The following CAMK1D variants were observed in gnomAD, a reference collection of about 807,000 sequenced individuals.
CAMK1D encodes calcium/calmodulin dependent protein kinase ID.
In CAMK1D, 9 loss-of-function variants were observed where a neutral mutation model predicts 47.7. The ratio of observed to expected loss-of-function variants is 0.19; its 90% CI spans 0.11 to 0.33. The LOEUF (loss-of-function observed/expected upper bound fraction) is 0.33. CAMK1D is among the 10% of genes least tolerant of loss of function. The pLI is 1.00. For synonymous variants in CAMK1D, 184 were observed against 184.9 expected (o/e 0.99, Z 0.04); for missense variants, 291 against 488.7 (o/e 0.60, Z 3.81).
chr10:12,371,577 A>G (rs1838007970), intron 1 of CAMK1D, among the ~76,000 whole-genome samples: 1 of 149,694 alleles, frequency 6.7e-6, no homozygotes, highest in Non-Finnish European at 1.5e-5. Context: ...CTGTCCCGAA[A>G]AAAAAAAAAA....
chr10:12,503,518 G>A (rs752106627), intron 1 of CAMK1D, among the ~76,000 whole-genome samples: 10 of 152,168 alleles, frequency 6.6e-5, no homozygotes, highest in Non-Finnish European at 1.3e-4. Context: ...CTGTGAGAGA[G>A]AAGGGAGTGG....
At chr10:12,592,831 C>G (rs1838037642) in intron 2 of CAMK1D, among the ~76,000 whole-genome samples, 1 of 152,170 alleles carries the variant, frequency 6.6e-6, no homozygotes, top group South Asian at 2.1e-4. Context: ...TCATGTTTGC[C>G]TTAGTCCTTA....
chr10:12,747,135 G>C (rs1456540510), intron 3 of CAMK1D, among the ~76,000 whole-genome samples: 1 of 152,100 alleles, frequency 6.6e-6, no homozygotes, highest in Non-Finnish European at 1.5e-5. Context: ...GGGTTCAAGC[G>C]ATTCTCCTGC....
In CAMK1D at chr10:12,363,739, G is replaced by A. The variant is rs560190217; in HGVS notation, c.92+13829G>A. ...GCTGGAGTGCAGTGGCACGATCTCC[G>A]CTCACTGCAGCCTCCACCTCCCAGG... On this transcript the variant is annotated intron_variant, in intron 1 of 10. Coordinates refer to ENST00000619168, the MANE Select transcript of CAMK1D (RefSeq NM_153498.4). Among the ~76,000 whole-genome samples the A allele has an allele frequency of 4.9e-4, 69 of 139,968 alleles. 1 individual carries two copies. The highest frequency in any genetic ancestry group is 7.7e-4 in the Non-Finnish European group (51 of 66,300). 91.8% of individuals were successfully genotyped at this position (139,968 alleles called of 152,430 possible). A position where few individuals can be genotyped will look rare whatever the true frequency, so the allele number is the denominator to read the frequency against.
At chr10:12,694,101 A>AT (rs1377649206) in intron 3 of CAMK1D, among the ~76,000 whole-genome samples, 1 of 45,660 alleles carries the variant, frequency 2.2e-5, no homozygotes, top group African/African-American at 8.4e-5. Context: ...TATATTATAT[A>AT]ATATATAATA....
intron 2 of CAMK1D, among the ~76,000 whole-genome samples, chr10:12,617,573 C>T (rs1003210316): frequency 6.6e-6 from 1 of 152,070 alleles, no homozygotes; most frequent in Non-Finnish European, 1.5e-5. Context: ...GGAGCCGTTT[C>T]TTCTCTTTGA....
At chr10:12,548,516 G>A (rs1836475147) in intron 1 of CAMK1D, among the ~76,000 whole-genome samples, 1 of 135,244 alleles carries the variant, frequency 7.4e-6, no homozygotes, top group African/African-American at 2.8e-5. Flanking sequence ...CCAGGCTGAA[G>A]TACAGTGCCG....
At chr10:12,740,602 G>GAA (rs201807783) in intron 3 of CAMK1D, among the ~76,000 whole-genome samples, 1 of 150,094 alleles carries the variant, frequency 6.7e-6, no homozygotes, top group African/African-American at 2.5e-5. Flanking sequence ...CATCTCAAAA[G>GAA]AAAAAAAAAG....
chr10:12,465,276 A>G (rs1281864944), intron 1 of CAMK1D, among the ~76,000 whole-genome samples: 2 of 152,234 alleles, frequency 1.3e-5, no homozygotes, highest in Non-Finnish European at 1.5e-5. Flanking sequence ...AGTTTTGCAT[A>G]TAATTAAAAT....
At chr10:12,356,016 G>T (rs1030577554) in intron 1 of CAMK1D, among the ~76,000 whole-genome samples, 2 of 152,138 alleles carry the variant, frequency 1.3e-5, no homozygotes, top group African/African-American at 4.8e-5. Flanking sequence ...AGACTCTTCC[G>T]GTCAAAGGCG....
chr10:12,784,559 G>A (rs1837641212), intron 5 of CAMK1D, among the ~76,000 whole-genome samples: 2 of 152,192 alleles, frequency 1.3e-5, no homozygotes, highest in African/African-American at 4.8e-5. Context: ...CTGAGAGTTA[G>A]GGTGAATTCT....
chr10:12,512,557 A>G (rs1421518845), intron 1 of CAMK1D, among the ~76,000 whole-genome samples: 1 of 152,142 alleles, frequency 6.6e-6, no homozygotes. Flanking sequence ...CTGAAGCATT[A>G]CTAAATGTGG....
At chr10:12,597,303 C>T (rs1053652307) in intron 2 of CAMK1D, among the ~76,000 whole-genome samples, 6 of 152,160 alleles carry the variant, frequency 3.9e-5, no homozygotes, top group African/African-American at 1.4e-4. Flanking sequence ...GGGAACTGAA[C>T]TCAGCTATAA....
intron 3 of CAMK1D, among the ~76,000 whole-genome samples, chr10:12,690,351 A>G (rs1832829269): frequency 1.3e-5 from 2 of 152,208 alleles, no homozygotes; most frequent in African/African-American, 4.8e-5. Flanking sequence ...ATAAGAAACA[A>G]TCTGTAGATT....
intron 1 of CAMK1D, among the ~76,000 whole-genome samples, chr10:12,388,876 C>A (rs1243914136): frequency 1.3e-5 from 2 of 152,152 alleles, no homozygotes; most frequent in Non-Finnish European, 2.9e-5. Flanking sequence ...CCTGGAGGCA[C>A]GTCGTGCTGT....
At chr10:12,500,017 G>A (rs1396488315) in intron 1 of CAMK1D, among the ~76,000 whole-genome samples, 1 of 152,222 alleles carries the variant, frequency 6.6e-6, no homozygotes, top group East Asian at 1.9e-4. Flanking sequence ...TGTAATCCCA[G>A]CACTTTGGGA....
At chr10:12,573,075 G>A (rs146544574) in intron 2 of CAMK1D, among the ~76,000 whole-genome samples, 177 of 152,334 alleles carry the variant, frequency 1.2e-3, no homozygotes, top group African/African-American at 4.1e-3. Flanking sequence ...AAATAGAGAA[G>A]CAAAGAAGAA....
chr10:12,727,868 C>T (rs571241395), intron 3 of CAMK1D, among the ~76,000 whole-genome samples: 1 of 151,326 alleles, frequency 6.6e-6, no homozygotes, highest in African/African-American at 2.4e-5. Flanking sequence ...TGGGTTCAGG[C>T]GATTCTTCTG....
At chr10:12,395,827 T>C (rs1439942540) in intron 1 of CAMK1D, among the ~76,000 whole-genome samples, 1 of 151,660 alleles carries the variant, frequency 6.6e-6, no homozygotes, top group African/African-American at 2.4e-5. Context: ...CTTAGGAGGC[T>C]GAGGCAGGAG....
Sources: allele counts gnomAD v4.1 joint callset (sites outside exome capture counted in the v4.1 genomes callset), GRCh38; gene constraint gnomAD v4.1.1; transcripts MANE v1.5; gene names NCBI Gene and HGNC (gene_info 2026-07-23, HGNC 2026-07-21).